The following MYO6 variants were observed in gnomAD, a reference collection of about 807,000 sequenced individuals.
MYO6 encodes myosin VI.
Under a neutral mutation model 178.7 loss-of-function variants are expected in MYO6, and 74 were observed. That is an observed-to-expected ratio of 0.41 (90% confidence interval 0.34 to 0.50). The LOEUF is 0.50. Ranked by LOEUF, MYO6 falls within the 20% of genes least tolerant of loss-of-function variation. The pLI, the probability that MYO6 is intolerant of heterozygous loss-of-function variation, is 0.09. For synonymous variants in MYO6, 477 were observed against 504.6 expected (o/e 0.95, Z 0.73); for missense variants, 1,330 against 1,547.4 (o/e 0.86, Z 2.36).
At chr6:75,754,383 G>A (rs1002372020) in intron 1 of MYO6, among the ~76,000 whole-genome samples, 4 of 151,952 alleles carry the variant, frequency 2.6e-5, no homozygotes, top group Admixed American at 6.6e-5. Flanking sequence ...AGCTGGGTGT[G>A]GTGGTGGGTG....
chr6:75,799,389 TAA>T (rs11358717), intron 1 of MYO6, among the ~76,000 whole-genome samples: 2,070 of 133,682 alleles, frequency 0.015, 71 homozygotes, highest in East Asian at 0.15. Context: ...AAACTCTGTC[TAA>T]AAAAAAAAAA....
At chr6:75,814,202 GCT>G (rs546546876) in intron 1 of MYO6, among the ~76,000 whole-genome samples, 281 of 152,222 alleles carry the variant, frequency 1.8e-3, no homozygotes, top group African/African-American at 6.3e-3. Flanking sequence ...TTCTGTAAAT[GCT>G]CTGTTTGTGA....
intron 1 of MYO6, among the ~76,000 whole-genome samples, chr6:75,752,601 G>A (rs920093658): frequency 6.6e-6 from 1 of 152,108 alleles, no homozygotes; most frequent in Non-Finnish European, 1.5e-5. Context: ...TGTTTAAACC[G>A]GCAAAACTGG....
chr6:75,899,112 A>G (rs1025006059), intron 30 of MYO6, among the ~76,000 whole-genome samples: 1 of 152,174 alleles, frequency 6.6e-6, no homozygotes, highest in Non-Finnish European at 1.5e-5. Flanking sequence ...GTGGGGAAAC[A>G]TTTAAATGTG....
At chr6:75,815,580 T>G (rs1226085343) in intron 1 of MYO6, among the ~76,000 whole-genome samples, 1 of 152,260 alleles carries the variant, frequency 6.6e-6, no homozygotes, top group African/African-American at 2.4e-5. Context: ...TTCACTTCTA[T>G]GAAGACTCTT....
At chr6:75,766,078 T>G (rs1293266584) in intron 1 of MYO6, among the ~76,000 whole-genome samples, 2 of 152,178 alleles carry the variant, frequency 1.3e-5, no homozygotes, top group Non-Finnish European at 2.9e-5. Flanking sequence ...ATCCCAGCAC[T>G]TTTGAAGGCC....
chr6:75,893,043 T>C (rs1169809372), intron 28 of MYO6, among the ~76,000 whole-genome samples: 1 of 152,148 alleles, frequency 6.6e-6, no homozygotes, highest in South Asian at 2.1e-4. Context: ...TTGAAATAAG[T>C]GACTGTGTTA....
Position 75,915,241 on chromosome 6 carries a change from T to C in MYO6, c.*229T>C. Reference sequence around the variant, plus strand: ...GCTGTAATTCCCAAAACTCTCATTATTCTCTAACTATTACACATGGGCATA... The same window carrying C: ...GCTGTAATTCCCAAAACTCTCATTACTCTCTAACTATTACACATGGGCATA... On this transcript the variant is annotated 3_prime_UTR_variant, in exon 35 of 35. Transcript: ENST00000369977. 1.8e-6 allele frequency: 1 copy of C among 563,724 alleles called. No homozygotes were observed. The highest frequency in any genetic ancestry group is 3.1e-5 in the East Asian group (1 of 32,284). The allele number at this position is 563,724 out of a possible 1,614,324, so 34.9% of individuals were successfully genotyped here.
intron 28 of MYO6, among the ~76,000 whole-genome samples, chr6:75,893,625 T>C (rs1243786566): frequency 6.6e-6 from 1 of 152,202 alleles, no homozygotes; most frequent in African/African-American, 2.4e-5. Context: ...CTTTTTCTAT[T>C]AGGTTGGTGC....
intron 29 of MYO6, among the ~76,000 whole-genome samples, chr6:75,895,557 G>T (rs1476153611): frequency 3.6e-5 from 5 of 139,850 alleles, no homozygotes; most frequent in Admixed American, 7.3e-5. Flanking sequence ...CGCTTTTGTT[G>T]CCCAGGCCAG....
At chr6:75,790,105 A>G (rs187465823) in intron 1 of MYO6, among the ~76,000 whole-genome samples, 26 of 152,294 alleles carry the variant, frequency 1.7e-4, no homozygotes, top group Non-Finnish European at 8.8e-5. Context: ...TTACCTGTAG[A>G]TGGGCATTTA....
chr6:75,812,021 G>GT (rs1295189894), intron 1 of MYO6, among the ~76,000 whole-genome samples: 1 of 151,748 alleles, frequency 6.6e-6, no homozygotes, highest in Non-Finnish European at 1.5e-5. Flanking sequence ...TCTGTTTTTT[G>GT]TTTTTTGTTT....
At chr6:75,761,772 T>C (rs1188058778) in intron 1 of MYO6, among the ~76,000 whole-genome samples, 1 of 150,740 alleles carries the variant, frequency 6.6e-6, no homozygotes, top group African/African-American at 2.5e-5. Flanking sequence ...TATATAACAC[T>C]GATATAGGTT....
intron 1 of MYO6, among the ~76,000 whole-genome samples, chr6:75,795,890 A>G (rs905196368): frequency 6.6e-6 from 1 of 152,218 alleles, no homozygotes; most frequent in Admixed American, 6.5e-5. Context: ...CTAGTTGCTG[A>G]GTAATAGCAT....
chr6:75,905,016 G>T (rs911651688), intron 30 of MYO6, among the ~76,000 whole-genome samples: 76 of 152,272 alleles, frequency 5.0e-4, no homozygotes, highest in African/African-American at 1.7e-3. Flanking sequence ...CCTGCTGGGG[G>T]TGCCTCCCAG....
intron 1 of MYO6, among the ~76,000 whole-genome samples, chr6:75,763,119 C>T (rs540822298): frequency 2.0e-5 from 3 of 151,732 alleles, no homozygotes; most frequent in South Asian, 2.1e-4. Flanking sequence ...CTCCACCGTC[C>T]GAGATCAAGC....
At chr6:75,908,683 T>C in intron 32 of MYO6, 56 bp downstream of exon 32, 1 of 1,565,924 alleles carries the variant, frequency 6.4e-7, no homozygotes, top group Non-Finnish European at 8.8e-7. Flanking sequence ...TAAATGCATG[T>C]ATCTGTACTT....
chr6:75,890,307 T>C (rs762570152), intron 26 of MYO6, 42 bp downstream of exon 26: 2 of 1,611,024 alleles, frequency 1.2e-6, no homozygotes, highest in African/African-American at 2.7e-5. Context: ...CTTAAAGAAA[T>C]AGTGAATTCT....
intron 7 of MYO6, 67 bp from the exon 8 acceptor site, chr6:75,840,518 A>G: frequency 3.0e-6 from 3 of 1,008,582 alleles, no homozygotes; most frequent in Non-Finnish European, 4.8e-6. Flanking sequence ...AAATGGAGAT[A>G]TACCATGCAT....
Sources: allele counts gnomAD v4.1 joint callset (sites outside exome capture counted in the v4.1 genomes callset), GRCh38; gene constraint gnomAD v4.1.1; transcripts MANE v1.5; gene names NCBI Gene and HGNC (gene_info 2026-07-23, HGNC 2026-07-21).